The following RIPPLY3 variants were observed in gnomAD, a reference collection of about 807,000 sequenced individuals.
RIPPLY3 encodes the protein ripply transcriptional repressor 3, also known as protein ripply3.
RIPPLY3 carries 8 observed loss-of-function variants against 11.9 expected under a neutral mutation model. The ratio of observed to expected loss-of-function variants is 0.67; its 90% CI spans 0.40 to 1.21. The LOEUF (loss-of-function observed/expected upper bound fraction) is 1.21. Among genes scored for constraint, RIPPLY3 ranks in the 50% most tolerant of loss-of-function variants. RIPPLY3 has a pLI of 0.01. For missense variants in RIPPLY3, 271 were observed against 246.0 expected (o/e 1.10, Z -0.68); for synonymous variants, 102 against 99.0 (o/e 1.03, Z -0.18).
Position 37,006,787 on chromosome 21 carries a change from G to T in RIPPLY3, c.15G>T (p.Ala5=). The part of the protein sequence containing the change: MEPE[A]AAGARKARGR... ...CCGCCGGCACCATGGAGCCCGAAGC[G>T]GCGGCCGGAGCCCGGAAGGCGCGGG... Residue 5 remains alanine (A), a synonymous_variant, in exon 1 of 4, where the codon GCG becomes GCT. Coordinates refer to ENST00000329553, the MANE Select transcript of RIPPLY3 (RefSeq NM_018962.3). The surrounding 1 kb of genome is among the most constrained non-coding windows in gnomAD (Gnocchi z 5.2). 8.1e-7 allele frequency: 1 copy of T among 1,232,540 alleles called. No individual in the cohort carries two copies. Among genetic ancestry groups the T allele is most frequent in the Non-Finnish European group, 1.0e-6 (1 of 988,584 alleles). The allele number at this position is 1,232,540 out of a possible 1,614,324, so 76.4% of individuals were successfully genotyped here. A position where few individuals can be genotyped will look rare whatever the true frequency, so the allele number is the denominator to read the frequency against.
intron 3 of RIPPLY3, among the ~76,000 whole-genome samples, chr21:37,015,565 T>C (rs1030739218): frequency 5.3e-5 from 8 of 152,304 alleles, no homozygotes; most frequent in African/African-American, 1.9e-4. Context: ...TTTATATTTT[T>C]ATTACAGAAA....
intron 2 of RIPPLY3, among the ~76,000 whole-genome samples, 170 bp downstream of exon 2, chr21:37,008,393 C>T (rs534352908): frequency 4.6e-5 from 7 of 152,226 alleles, no homozygotes; most frequent in African/African-American, 1.7e-4. Context: ...AGGTGTTAAT[C>T]AGACCTGACT....
chr21:37,008,913 G>A (rs2835558), intron 2 of RIPPLY3, among the ~76,000 whole-genome samples: 32,489 of 151,964 alleles, frequency 0.21, 3,615 homozygotes, highest in South Asian at 0.33. Flanking sequence ...AGCACCATTA[G>A]CGTTGGGCCG....
chr21:37,008,321 C>G (rs2069486696), intron 2 of RIPPLY3, 98 bp downstream of exon 2: 9 of 1,294,026 alleles, frequency 7.0e-6, no homozygotes, highest in Non-Finnish European at 9.8e-6. Flanking sequence ...TGCGCAGGGC[C>G]GTCCCTTGGG....
intron 3 of RIPPLY3, among the ~76,000 whole-genome samples, chr21:37,015,106 A>G (rs1470294541): frequency 1.3e-5 from 2 of 151,998 alleles, no homozygotes; most frequent in Non-Finnish European, 2.9e-5. Context: ...TCTCCCAGGC[A>G]CTCGGATTCG....
rs772741736 is a variant in RIPPLY3, at chr21:37,018,206, G to A, written c.572G>A (p.Ter191=). 3.8e-5 allele frequency: 62 copies of A among 1,611,858 alleles called. No individual in the cohort carries two copies. Among genetic ancestry groups the A allele is most frequent in the Non-Finnish European group, 5.0e-5 (59 of 1,178,362 alleles). ...SRGGKCSSSK[*] ...GGTGGCAAGTGCTCCTCATCCAAAT[G>A]AATCAGTCTCTGTCTCCTGGGCCCT... The change falls in exon 4 of 4, where the codon TGA becomes TAA. Residue 191 remains the stop codon, a stop_retained_variant. Coordinates refer to ENST00000329553, the MANE Select transcript of RIPPLY3 (RefSeq NM_018962.3).
Position 37,018,132 on chromosome 21 carries a change from G to C in RIPPLY3, c.498G>C (p.Gly166=), listed in dbSNP as rs764729262. 7.4e-6 allele frequency: 12 copies of C among 1,613,900 alleles called. No homozygotes were observed. The African/African-American group carries it at 1.6e-4, about 22-fold the overall frequency. ...GINQGQRSSG[G]GDHWGEGPLP... ...ACCAAGGGCAGCGATCCTCAGGAGG[G>C]GGTGACCACTGGGGGGAGGGTCCGC... The change falls in exon 4 of 4, where the codon GGG becomes GGC. Residue 166 remains glycine, a synonymous_variant. Transcript: ENST00000329553.
upstream of RIPPLY3, chr21:37,006,668 C>T: frequency 4.2e-6 from 3 of 708,620 alleles, no homozygotes; most frequent in Non-Finnish European, 5.8e-6. This position sits in a 1 kb window ranked among gnomAD's most constrained non-coding sequence, Gnocchi z 5.2. Flanking sequence ...GCCCCGCCCC[C>T]GTTTTTAAAC....
intron 3 of RIPPLY3, among the ~76,000 whole-genome samples, chr21:37,013,916 G>A (rs3761360): frequency 0.3 from 45,873 of 151,970 alleles, 7,241 homozygotes; most frequent in South Asian, 0.41. Flanking sequence ...ATAATTGCAT[G>A]TGAATTGTAT....
At position 37,006,917 on chromosome 21, in the gene RIPPLY3, GT is replaced by G; in HGVS notation, c.104+42del. On this transcript the variant is annotated intron_variant, in intron 1 of 3. Transcript: ENST00000329553. This position sits in a 1 kb window ranked among gnomAD's most constrained non-coding sequence, Gnocchi z 5.2. ...CGCCCCGGTGGACGCGCTGAGAGGC[GT>G]GCGCGGTGGCGGTGCGGGGAGCGCA... is the stretch of plus-strand genomic sequence containing the variant. The G allele has an allele frequency of 9.0e-7, 1 of 1,110,728 alleles. No individual in the cohort carries two copies. The highest frequency in any genetic ancestry group is 4.5e-5 in the South Asian group (1 of 22,240). The allele number at this position is 1,110,728 out of a possible 1,614,324, so 68.8% of individuals were successfully genotyped here. A position where few individuals can be genotyped will look rare whatever the true frequency, so the allele number is the denominator to read the frequency against.
At position 37,014,526 on chromosome 21, in the gene RIPPLY3, G is replaced by C. The variant is rs114594517; in HGVS notation, c.239+908G>C. On this transcript the variant is annotated intron_variant, in intron 3 of 3. Coordinates refer to ENST00000329553, the MANE Select transcript of RIPPLY3 (RefSeq NM_018962.3). Reference sequence around the variant, plus strand: ...GATTTCTGCCTGTCTCTCTGTCTCTGTCTCTCTCTTTTTCTCTGTCTGTCT... The same window carrying C: ...GATTTCTGCCTGTCTCTCTGTCTCTCTCTCTCTCTTTTTCTCTGTCTGTCT... 7.2e-3 allele frequency among the ~76,000 whole-genome samples: 1,095 copies of C among 152,070 alleles called. 9 individuals carry two copies. The highest frequency in any genetic ancestry group is 0.025 in the African/African-American group (1,019 of 41,418).
At chr21:37,016,438 G>GA (rs918570575) in intron 3 of RIPPLY3, among the ~76,000 whole-genome samples, 5 of 151,344 alleles carry the variant, frequency 3.3e-5, no homozygotes, top group East Asian at 1.9e-4. Flanking sequence ...TCTTCTATCT[G>GA]AAAAAAAAGG....
At chr21:37,014,338 G>A (rs150326598) in intron 3 of RIPPLY3, among the ~76,000 whole-genome samples, 250 of 152,084 alleles carry the variant, frequency 1.6e-3, no homozygotes, top group Non-Finnish European at 2.8e-3. Context: ...AAATCTATGT[G>A]TTGAGTAAAT....
At chr21:37,013,717 G>GA (rs1263350671) in intron 3 of RIPPLY3, 99 bp downstream of exon 3, 1 of 826,996 alleles carries the variant, frequency 1.2e-6, no homozygotes, top group Non-Finnish European at 1.9e-6. Flanking sequence ...CAACAAAGTG[G>GA]AAAATAATTC....
chr21:37,011,005 G>A (rs1182897577), intron 2 of RIPPLY3, among the ~76,000 whole-genome samples: 4 of 130,106 alleles, frequency 3.1e-5, no homozygotes, highest in Admixed American at 3.0e-4. Flanking sequence ...TTTTTTTTTT[G>A]AGGCGGAGTT....
upstream of RIPPLY3, chr21:37,006,584 C>T (rs2069465171): frequency 5.4e-6 from 2 of 368,522 alleles, no homozygotes; most frequent in African/African-American, 2.1e-5. The surrounding 1 kb of genome is among the most constrained non-coding windows in gnomAD (Gnocchi z 5.2). Flanking sequence ...GCTTTTCCTT[C>T]GTACCCTGCG....
chr21:37,017,513 C>G (rs1026719663), intron 3 of RIPPLY3, among the ~76,000 whole-genome samples: 4 of 152,146 alleles, frequency 2.6e-5, no homozygotes, highest in Middle Eastern at 3.2e-3. Context: ...AATGGGACAT[C>G]AATTATCCAA....
chr21:37,014,275 G>A (rs900352994), intron 3 of RIPPLY3, among the ~76,000 whole-genome samples: 5 of 151,940 alleles, frequency 3.3e-5, no homozygotes, highest in Non-Finnish European at 5.9e-5. Flanking sequence ...CCGAGATCAC[G>A]CCACTGTACT....
At chr21:37,008,109 C>T (rs770602917) in intron 1 of RIPPLY3, 48 bp from the exon 2 acceptor site, 4 of 1,595,430 alleles carry the variant, frequency 2.5e-6, no homozygotes. Flanking sequence ...AGTTTGAAGG[C>T]AGCAGAAGTG....
Sources: allele counts gnomAD v4.1 joint callset (sites outside exome capture counted in the v4.1 genomes callset), GRCh38; gene constraint gnomAD v4.1.1; non-coding constraint Gnocchi (gnomAD v3.1); transcripts MANE v1.5; gene names NCBI Gene and HGNC (gene_info 2026-07-23, HGNC 2026-07-21).